Variants in CDK14 observed in about 807,000 individuals in gnomAD.
CDK14 encodes cyclin-dependent kinase 14.
CDK14 carries 34 observed loss-of-function variants against 60.7 expected under a neutral mutation model. That is an observed-to-expected ratio of 0.56 (90% CI 0.43 to 0.75). CDK14 has a LOEUF of 0.75. Among genes scored for constraint, CDK14 ranks in the 30% least tolerant of loss-of-function variants. CDK14 has a pLI of 0.00. For missense variants in CDK14, 482 were observed against 564.1 expected, an observed-to-expected ratio of 0.85 and a Z score of 1.47; for synonymous variants, 197 against 203.7, an observed-to-expected ratio of 0.97 and a Z score of 0.28.
At chr7:90,757,624 T>A (rs373842975) in intron 4 of CDK14, among the ~76,000 whole-genome samples, 1 of 150,314 alleles carries the variant, frequency 6.7e-6, no homozygotes, top group Admixed American at 6.7e-5. Flanking sequence ...TGAGACAGGG[T>A]CTCACTCTGT....
chr7:91,158,416 CGTGTTTCTCAAGCTA>C (rs1801058307), intron 14 of CDK14, among the ~76,000 whole-genome samples: 1 of 151,728 alleles, frequency 6.6e-6, no homozygotes, highest in Non-Finnish European at 1.5e-5. Context: ...AGGGTTTTGC[CGTGTTTCTCAAGCTA>C]GTCTCAAACT....
At chr7:90,882,670 T>A (rs536824510) in intron 6 of CDK14, among the ~76,000 whole-genome samples, 1 of 152,332 alleles carries the variant, frequency 6.6e-6, no homozygotes, top group Non-Finnish European at 1.5e-5. Flanking sequence ...TGGCACTTAC[T>A]CTAGAATCAA....
At chr7:90,597,112 A>G in intron 1 of CDK14, 2 of 189,034 alleles carry the variant, frequency 1.1e-5, no homozygotes, top group Non-Finnish European at 1.1e-5. Context: ...TTAGTCAGTA[A>G]TTTAGCTTTG....
At chr7:90,873,628 T>C (rs1334317964) in intron 6 of CDK14, among the ~76,000 whole-genome samples, 1 of 152,242 alleles carries the variant, frequency 6.6e-6, no homozygotes, top group Non-Finnish European at 1.5e-5. Context: ...ATGCAAGTTA[T>C]GTATGTATTT....
At chr7:90,810,267 C>T (rs1037931391) in intron 5 of CDK14, among the ~76,000 whole-genome samples, 1 of 152,156 alleles carries the variant, frequency 6.6e-6, no homozygotes, top group Non-Finnish European at 1.5e-5. Context: ...AAAAGTTTAT[C>T]CACCATGATC....
intron 2 of CDK14, among the ~76,000 whole-genome samples, chr7:90,629,974 C>G (rs911391711): frequency 2.3e-4 from 35 of 151,972 alleles, no homozygotes; most frequent in African/African-American, 7.3e-4. Context: ...TTGCAGTGAG[C>G]CAAGATAGCG....
intron 12 of CDK14, among the ~76,000 whole-genome samples, chr7:91,109,302 C>T: frequency 6.6e-6 from 1 of 152,108 alleles, no homozygotes; most frequent in East Asian, 1.9e-4. Flanking sequence ...CAACCATATA[C>T]TTACACTGTC....
chr7:90,782,968 A>T (rs1443925891), intron 4 of CDK14, among the ~76,000 whole-genome samples: 2 of 152,138 alleles, frequency 1.3e-5, no homozygotes, highest in African/African-American at 2.4e-5. Flanking sequence ...CTGGATGATT[A>T]CTGAGGTTAC....
intron 7 of CDK14, among the ~76,000 whole-genome samples, chr7:90,915,619 T>C (rs1288575208): frequency 2.0e-5 from 3 of 152,194 alleles, no homozygotes; most frequent in Admixed American, 2.0e-4. Context: ...AGGAAGCAGT[T>C]CTCTAGAAAT....
At chr7:91,086,521 C>T (rs1163684189) in intron 12 of CDK14, among the ~76,000 whole-genome samples, 1 of 152,094 alleles carries the variant, frequency 6.6e-6, no homozygotes, top group African/African-American at 2.4e-5. Flanking sequence ...CTTGATCTCC[C>T]CTAACTCTAC....
chr7:91,124,557 G>A (rs1799885411), intron 14 of CDK14, among the ~76,000 whole-genome samples: 1 of 151,812 alleles, frequency 6.6e-6, no homozygotes, highest in Admixed American at 6.6e-5. Flanking sequence ...CTGAAAGAGA[G>A]GAAACTGGTT....
intron 14 of CDK14, among the ~76,000 whole-genome samples, chr7:91,151,120 G>A (rs1311446141): frequency 6.6e-6 from 1 of 152,096 alleles, no homozygotes; most frequent in Admixed American, 6.6e-5. Context: ...AGTTCCCTTG[G>A]TGGGAATACT....
chr7:90,982,110 T>G lies in CDK14; in HGVS notation c.948-2038T>G, dbSNP rs538701282. ...GGCAAGGTCTTTTGATTTACTGGAC[T>G]AACTTGCTAGGTGGGAACTGTGAGC... On this transcript the variant is annotated intron_variant, in intron 9 of 14. Coordinates refer to ENST00000380050, the MANE Select transcript of CDK14 (RefSeq NM_001287135.2). Among the ~76,000 whole-genome samples, 10 of 152,308 alleles carry G rather than the reference T, an allele frequency of 6.6e-5. No homozygotes were observed. The South Asian group carries it at 2.1e-3, about 32-fold the overall frequency.
At chr7:90,872,501 A>G (rs1791401143) in intron 6 of CDK14, among the ~76,000 whole-genome samples, 1 of 152,198 alleles carries the variant, frequency 6.6e-6, no homozygotes, top group African/African-American at 2.4e-5. Flanking sequence ...GTGCTCTCTT[A>G]GGAACTTCTC....
chr7:90,896,738 A>G (rs1331399171), intron 6 of CDK14, among the ~76,000 whole-genome samples: 1 of 152,222 alleles, frequency 6.6e-6, no homozygotes, highest in African/African-American at 2.4e-5. Flanking sequence ...CTGGGTAATC[A>G]TAAATGAATG....
At chr7:90,784,227 A>G (rs773368013) in intron 4 of CDK14, among the ~76,000 whole-genome samples, 7 of 152,174 alleles carry the variant, frequency 4.6e-5, no homozygotes, top group Non-Finnish European at 8.8e-5. Flanking sequence ...AATTGTTCTC[A>G]TGGAGGTAGA....
intron 2 of CDK14, among the ~76,000 whole-genome samples, chr7:90,686,366 C>T (rs917296831): frequency 1.3e-5 from 2 of 152,056 alleles, no homozygotes; most frequent in African/African-American, 2.4e-5. Flanking sequence ...TTTAATTCAG[C>T]GAGAAGAAGT....
intron 6 of CDK14, among the ~76,000 whole-genome samples, chr7:90,871,234 C>T (rs1035782018): frequency 2.6e-5 from 4 of 151,930 alleles, no homozygotes; most frequent in Non-Finnish European, 4.4e-5. Context: ...AATGATGAGC[C>T]TAACCTACAA....
intron 14 of CDK14, among the ~76,000 whole-genome samples, chr7:91,178,343 A>C (rs1283403965): frequency 3.4e-4 from 45 of 133,936 alleles, no homozygotes; most frequent in East Asian, 1.4e-3. Context: ...CGTTAGACCT[A>C]AAACCATAAA....
Sources: allele counts gnomAD v4.1 joint callset (sites outside exome capture counted in the v4.1 genomes callset), GRCh38; gene constraint gnomAD v4.1.1; transcripts MANE v1.5; gene names NCBI Gene and HGNC (gene_info 2026-07-23, HGNC 2026-07-21).